The following EEA1 variants were observed in gnomAD, a reference collection of about 807,000 sequenced individuals.
EEA1 encodes early endosome antigen 1, 162kD.
A neutral mutation model predicts 209.2 loss-of-function variants in EEA1; 111 were observed. That is an observed-to-expected ratio of 0.53 (90% CI 0.45 to 0.62). The LOEUF (loss-of-function observed/expected upper bound fraction) is 0.62, where lower values mean the gene tolerates loss of function less well. Among genes scored for constraint, EEA1 ranks in the 20% least tolerant of loss-of-function variants. EEA1 has a pLI of 0.00. For synonymous variants in EEA1, 536 were observed against 540.6 expected, an observed-to-expected ratio of 0.99 and a Z score of 0.12; for missense variants, 1,343 against 1,530.8, an observed-to-expected ratio of 0.88 and a Z score of 2.05.
chr12:92,922,611 G>A (rs1358594459), intron 1 of EEA1, among the ~76,000 whole-genome samples: 1 of 152,134 alleles, frequency 6.6e-6, no homozygotes, highest in African/African-American at 2.4e-5. Context: ...AAAACCACCA[G>A]GCATCAAGCA....
intron 2 of EEA1, among the ~76,000 whole-genome samples, chr12:92,884,946 G>C (rs1212405320): frequency 7.3e-6 from 1 of 137,136 alleles, no homozygotes; most frequent in Admixed American, 8.3e-5. Flanking sequence ...TTCCAACAAA[G>C]GGTTTCAATG....
chr12:92,884,843 C>A, intron 2 of EEA1: 1 of 645,016 alleles, frequency 1.6e-6, no homozygotes, highest in Non-Finnish European at 2.8e-6. Flanking sequence ...TAGACAAATA[C>A]TCATGGGTAT....
chr12:92,789,568 G>C (rs1420425718), intron 21 of EEA1, among the ~76,000 whole-genome samples: 1 of 152,118 alleles, frequency 6.6e-6, no homozygotes, highest in African/African-American at 2.4e-5. Flanking sequence ...CTGGCTCGGA[G>C]AGGGGGGTCT....
intron 24 of EEA1, among the ~76,000 whole-genome samples, chr12:92,779,553 A>T (rs1282829573): frequency 6.6e-6 from 1 of 152,004 alleles, no homozygotes; most frequent in African/African-American, 2.4e-5. Flanking sequence ...AACAAACTGT[A>T]CTCTCTATTT....
intron 16 of EEA1, 79 bp downstream of exon 16, chr12:92,812,901 G>T: frequency 2.1e-6 from 2 of 947,384 alleles, no homozygotes; most frequent in Non-Finnish European, 3.1e-6. Context: ...ACAAAACTGG[G>T]TATCATCTTT....
chr12:92,846,676 T>G (rs1164880728), intron 9 of EEA1, among the ~76,000 whole-genome samples: 1 of 152,212 alleles, frequency 6.6e-6, no homozygotes, highest in Admixed American at 6.5e-5. Context: ...CAGCCAATTA[T>G]CTATAAAGAA....
At chr12:92,873,961 A>G (rs963267367) in intron 2 of EEA1, among the ~76,000 whole-genome samples, 1 of 152,146 alleles carries the variant, frequency 6.6e-6, no homozygotes, top group African/African-American at 2.4e-5. Context: ...CTGATGAAAG[A>G]GTTGTCTTCC....
intron 1 of EEA1, among the ~76,000 whole-genome samples, chr12:92,911,655 A>C (rs1037645634): frequency 6.6e-6 from 1 of 152,256 alleles, no homozygotes; most frequent in Non-Finnish European, 1.5e-5. Flanking sequence ...TGATATGTCA[A>C]CATAGGTTCA....
intron 22 of EEA1, 30 bp from the exon 23 acceptor site, chr12:92,782,165 T>C (rs376978979): frequency 5.2e-6 from 8 of 1,553,240 alleles, no homozygotes; most frequent in Non-Finnish European, 6.1e-6. Flanking sequence ...CAAATTATTA[T>C]ATGCCATGTT....
chr12:92,780,518 T>G, intron 23 of EEA1, 107 bp from the exon 24 acceptor site: 1 of 801,712 alleles, frequency 1.2e-6, no homozygotes, highest in Non-Finnish European at 1.8e-6. Context: ...TCTGCCCTTT[T>G]CTACCTAACT....
chr12:92,779,106 C>T lies in EEA1; in HGVS notation c.3654+9G>A, dbSNP rs1873786589. Reference sequence around the variant, plus strand: ...TGCAAAACACACTTCCCCCGATTAACTCACTGACCAACTTAGCTTCTTTCT... The same window carrying T: ...TGCAAAACACACTTCCCCCGATTAATTCACTGACCAACTTAGCTTCTTTCT... On this transcript the variant is annotated intron_variant, in intron 25 of 28. Coordinates refer to ENST00000322349, the MANE Select transcript of EEA1 (RefSeq NM_003566.4). The T allele has an allele frequency of 1.9e-6, 3 of 1,593,142 alleles. No individual in the cohort carries two copies. Among genetic ancestry groups the T allele is most frequent in the Admixed American group, 1.9e-5 (1 of 53,908 alleles).
At chr12:92,777,873 C>T (rs1873728013) in intron 26 of EEA1, 68 bp downstream of exon 26, 3 of 1,471,410 alleles carry the variant, frequency 2.0e-6, no homozygotes. Flanking sequence ...TTTTTAAAAA[C>T]TATGGAATAT....
intron 1 of EEA1, among the ~76,000 whole-genome samples, chr12:92,908,578 TA>T (rs1880464503): frequency 6.6e-6 from 1 of 151,158 alleles, no homozygotes; most frequent in South Asian, 2.1e-4. Context: ...TTCTACTACA[TA>T]TCCTTTTGGG....
chr12:92,832,093 CA>C (rs760668908), intron 11 of EEA1, among the ~76,000 whole-genome samples: 5,208 of 62,374 alleles, frequency 0.083, 120 homozygotes, highest in African/African-American at 0.18. Flanking sequence ...GACTCCGTCT[CA>C]AAAAAAAAAA....
intron 9 of EEA1, among the ~76,000 whole-genome samples, chr12:92,842,824 C>T (rs1256695591): frequency 6.6e-6 from 1 of 152,128 alleles, no homozygotes; most frequent in East Asian, 1.9e-4. Flanking sequence ...AATCTGGCAT[C>T]CTACTTTAAG....
In EEA1 at chr12:92,802,720, C is replaced by T; in HGVS notation, c.2354G>A (p.Arg785Lys). ...TTCAGATTTTTTCTGTAGATCCAAT[C>T]TTGTACTGGATACTCTAAATATTTA... ...EMEKEIVSST[R>K]LDLQKKSEAL... The change falls in exon 19 of 29, where the codon AGA becomes AAA. Residue 785 changes from arginine to lysine, a missense_variant. Around this residue, in one of 3 missense-constraint regions of EEA1, gnomAD observed 1,307 missense variants for 1,465.5 expected, o/e 0.89. Coordinates refer to ENST00000322349, the MANE Select transcript of EEA1 (RefSeq NM_003566.4). The T allele has an allele frequency of 6.3e-7, 1 of 1,588,662 alleles. No individual in the cohort carries two copies. The highest frequency in any genetic ancestry group is 1.2e-5 in the South Asian group (1 of 84,750).
intron 21 of EEA1, among the ~76,000 whole-genome samples, chr12:92,790,334 C>G (rs1874344207): frequency 6.6e-6 from 1 of 152,132 alleles, no homozygotes; most frequent in African/African-American, 2.4e-5. Context: ...ACGAACTTCT[C>G]CGAGCTAAAG....
intron 25 of EEA1, among the ~76,000 whole-genome samples, chr12:92,778,422 A>G (rs1284813392): frequency 1.3e-5 from 2 of 152,030 alleles, no homozygotes; most frequent in African/African-American, 4.8e-5. Context: ...AAGTGACACA[A>G]TGTGAGATCT....
Position 92,857,254 on chromosome 12 carries a change from T to TA in EEA1, c.366+20dup, listed in dbSNP as rs1877921881. ...AAATAAACAACTAATAAACATGCTT[T>TA]AAGTAGTTAAAAGCAATTACTTGCT... On this transcript the variant is annotated intron_variant, in intron 5 of 28. Transcript: ENST00000322349. 5.8e-6 allele frequency: 9 copies of TA among 1,552,704 alleles called. No individual in the cohort carries two copies. In the African/African-American group the frequency reaches 9.7e-5, roughly 17 times the overall value.
Sources: gnomAD v4.1 joint callset for allele counts (sites outside exome capture counted in the v4.1 genomes callset) on GRCh38, gnomAD v4.1.1 for gene constraint, gnomAD v4.1.1 regional missense constraint, MANE v1.5 for transcripts, NCBI Gene and HGNC (gene_info 2026-07-23, HGNC 2026-07-21) for gene names.